SAMD12: variants seen among roughly 807,000 people sequenced by gnomAD.
SAMD12 encodes sterile alpha motif domain-containing protein 12.
SAMD12 carries 9 observed loss-of-function variants against 15.0 expected under a neutral mutation model. The ratio of observed to expected loss-of-function variants is 0.60; its 90% CI spans 0.36 to 1.05. SAMD12 has a LOEUF of 1.05. Ranked by LOEUF, SAMD12 falls within the 50% of genes least tolerant of loss-of-function variation. The pLI is 0.01. For synonymous variants in SAMD12, 86 were observed against 90.1 expected, an observed-to-expected ratio of 0.96 and a Z score of 0.25; for missense variants, 230 against 234.2, an observed-to-expected ratio of 0.98 and a Z score of 0.12.
chr8:118,552,254 T>A (rs1293072738), intron 2 of SAMD12, among the ~76,000 whole-genome samples: 2 of 152,164 alleles, frequency 1.3e-5, no homozygotes, highest in Non-Finnish European at 2.9e-5. Context: ...ATATCCTTGA[T>A]GAACATTGAT....
At chr8:118,250,193 G>A (rs1180702258) in intron 4 of SAMD12, among the ~76,000 whole-genome samples, 1 of 152,172 alleles carries the variant, frequency 6.6e-6, no homozygotes, top group Non-Finnish European at 1.5e-5. Flanking sequence ...CCAGATCCCT[G>A]GTATGTGCAG....
chr8:118,346,270 T>C (rs1467460774), intron 4 of SAMD12, among the ~76,000 whole-genome samples: 2 of 152,202 alleles, frequency 1.3e-5, no homozygotes, highest in Admixed American at 1.3e-4. Context: ...GCTAAAGAGC[T>C]AAATCTAAAA....
chr8:118,489,138 C>T (rs1231941684), intron 2 of SAMD12, among the ~76,000 whole-genome samples: 2 of 152,106 alleles, frequency 1.3e-5, no homozygotes, highest in South Asian at 2.1e-4. Context: ...TTTCAATACC[C>T]CCCTTTTGTG....
the SAMD12 span, among the ~76,000 whole-genome samples, chr8:118,178,750 G>A: frequency 6.6e-6 from 1 of 152,210 alleles, no homozygotes; most frequent in Non-Finnish European, 1.5e-5. Flanking sequence ...ACAGGCATGA[G>A]CCACCGCCCC....
At chr8:118,506,337 G>C (rs765972824) in intron 2 of SAMD12, among the ~76,000 whole-genome samples, 2 of 152,088 alleles carry the variant, frequency 1.3e-5, no homozygotes, top group African/African-American at 2.4e-5. Flanking sequence ...TAAGAGCTTA[G>C]AACTCCTACC....
At chr8:118,502,065 C>T (rs1482771816) in intron 2 of SAMD12, among the ~76,000 whole-genome samples, 1 of 150,208 alleles carries the variant, frequency 6.7e-6, no homozygotes, top group African/African-American at 2.4e-5. Context: ...TTCAGCAGGG[C>T]TAGGGTGGGG....
intron 2 of SAMD12, among the ~76,000 whole-genome samples, chr8:118,578,795 T>C (rs1827215158): frequency 6.6e-6 from 1 of 152,162 alleles, no homozygotes; most frequent in Admixed American, 6.5e-5. Flanking sequence ...TGTCTAAGCT[T>C]TCTTTACTAA....
chr8:118,497,343 G>A (rs1254321436), intron 2 of SAMD12, among the ~76,000 whole-genome samples: 1 of 152,126 alleles, frequency 6.6e-6, no homozygotes, highest in Non-Finnish European at 1.5e-5. Context: ...CGGTGGACTG[G>A]ATAAAGAAAA....
chr8:118,472,139 T>G (rs1036979819), intron 2 of SAMD12, among the ~76,000 whole-genome samples: 1 of 151,772 alleles, frequency 6.6e-6, no homozygotes. Context: ...TACAAAAAAT[T>G]AGCCGGGCGT....
intron 2 of SAMD12, among the ~76,000 whole-genome samples, chr8:118,484,588 T>C (rs1824225760): frequency 1.3e-5 from 2 of 152,186 alleles, no homozygotes. Flanking sequence ...GTACTGCTTT[T>C]TGTATGTCAA....
intron 2 of SAMD12, among the ~76,000 whole-genome samples, chr8:118,549,152 G>C (rs1826236761): frequency 6.6e-6 from 1 of 152,244 alleles, no homozygotes; most frequent in Admixed American, 6.5e-5. Context: ...AAATGTCCCT[G>C]TCTGACAGCT....
At chr8:118,439,595 C>T (rs1379836175) in intron 3 of SAMD12, among the ~76,000 whole-genome samples, 1 of 149,648 alleles carries the variant, frequency 6.7e-6, no homozygotes, top group Non-Finnish European at 1.5e-5. Flanking sequence ...AACCCTGCAC[C>T]CTGATTCCCA....
intron 4 of SAMD12, among the ~76,000 whole-genome samples, chr8:118,327,141 A>C (rs1816604633): frequency 6.6e-6 from 1 of 152,130 alleles, no homozygotes; most frequent in Admixed American, 6.5e-5. Context: ...AATGTGATTG[A>C]TTTTTCAGGA....
intron 3 of SAMD12, among the ~76,000 whole-genome samples, chr8:118,387,360 C>T (rs1222606212): frequency 6.6e-6 from 1 of 152,168 alleles, no homozygotes; most frequent in African/African-American, 2.4e-5. Flanking sequence ...TGAAATAATA[C>T]ATACATAGGA....
intron 3 of SAMD12, among the ~76,000 whole-genome samples, chr8:118,399,353 G>A (rs1017145133): frequency 6.6e-6 from 1 of 152,134 alleles, no homozygotes; most frequent in African/African-American, 2.4e-5. Flanking sequence ...GACTTCATGT[G>A]GTGACACTTA....
chr8:118,556,472 A>G (rs1190296246), intron 2 of SAMD12, among the ~76,000 whole-genome samples: 1 of 152,192 alleles, frequency 6.6e-6, no homozygotes, highest in Non-Finnish European at 1.5e-5. Context: ...ACCTTTTCCA[A>G]CTGGCAAATG....
intron 4 of SAMD12, among the ~76,000 whole-genome samples, chr8:118,263,104 C>T (rs1007012658): frequency 1.3e-5 from 2 of 152,032 alleles, no homozygotes; most frequent in African/African-American, 4.8e-5. Context: ...ATCTCTCATT[C>T]CCTCTCCAGC....
At chr8:118,288,988 C>T (rs1452651540) in intron 4 of SAMD12, among the ~76,000 whole-genome samples, 1 of 152,140 alleles carries the variant, frequency 6.6e-6, no homozygotes, top group Non-Finnish European at 1.5e-5. Flanking sequence ...AAAATAAGAC[C>T]AGTGAAGAAC....
intron 4 of SAMD12, among the ~76,000 whole-genome samples, chr8:118,292,245 G>T (rs1233522179): frequency 2.0e-5 from 3 of 150,650 alleles, no homozygotes; most frequent in African/African-American, 7.3e-5. Flanking sequence ...CACCACTAAA[G>T]AACTCACTCT....
Sources: gnomAD v4.1 joint callset for allele counts (sites outside exome capture counted in the v4.1 genomes callset) on GRCh38, gnomAD v4.1.1 for gene constraint, MANE v1.5 for transcripts, NCBI Gene and HGNC (gene_info 2026-07-23, HGNC 2026-07-21) for gene names.